The following MAML2 variants were observed in gnomAD, a reference collection of about 807,000 sequenced individuals.
The protein encoded by MAML2 is mastermind like transcriptional coactivator 2.
In MAML2, 22 loss-of-function variants were observed where a neutral mutation model predicts 96.1. That is an observed-to-expected ratio of 0.23 (90% CI 0.16 to 0.33). The LOEUF (loss-of-function observed/expected upper bound fraction) is 0.33, where lower values mean the gene tolerates loss of function less well. MAML2 is among the 10% of genes least tolerant of loss of function. The probability of loss-of-function intolerance (pLI) is 1.00; values close to 1 mark genes in which losing one functional copy is unlikely to be tolerated. For synonymous variants in MAML2, 561 were observed against 521.3 expected (o/e 1.08, Z -1.04); for missense variants, 1,367 against 1,392.4 (o/e 0.98, Z 0.29).
At chr11:96,188,916 A>AT (rs998601995) in intron 1 of MAML2, among the ~76,000 whole-genome samples, 5 of 152,208 alleles carry the variant, frequency 3.3e-5, no homozygotes, top group African/African-American at 9.6e-5. Context: ...CATTAAAAAA[A>AT]AAATTCTGCT....
At chr11:96,096,546 A>T (rs1859832405) in intron 1 of MAML2, among the ~76,000 whole-genome samples, 1 of 152,208 alleles carries the variant, frequency 6.6e-6, no homozygotes, top group Non-Finnish European at 1.5e-5. Flanking sequence ...GAATCAAACC[A>T]CACATTCCCA....
chr11:96,011,843 T>C (rs1484843192), intron 2 of MAML2, among the ~76,000 whole-genome samples: 1 of 152,216 alleles, frequency 6.6e-6, no homozygotes, highest in Non-Finnish European at 1.5e-5. Context: ...TCACATGAGT[T>C]GGTGGTTTAA....
chr11:96,142,856 T>C (rs1407522038), intron 1 of MAML2, among the ~76,000 whole-genome samples: 2 of 152,190 alleles, frequency 1.3e-5, no homozygotes, highest in Admixed American at 6.5e-5. Flanking sequence ...AAACAACTAT[T>C]TTTTTGTTTA....
intron 1 of MAML2, among the ~76,000 whole-genome samples, chr11:96,121,641 T>G (rs1256558116): frequency 6.6e-6 from 1 of 151,952 alleles, no homozygotes; most frequent in Non-Finnish European, 1.5e-5. Context: ...AATGGGCTAG[T>G]GCTCTGGCAT....
chr11:96,180,874 G>C (rs1048019923), intron 1 of MAML2, among the ~76,000 whole-genome samples: 3 of 151,794 alleles, frequency 2.0e-5, no homozygotes, highest in African/African-American at 7.3e-5. Context: ...CGTTTTATAG[G>C]ATTTGTATAG....
intron 1 of MAML2, among the ~76,000 whole-genome samples, chr11:96,200,307 A>G (rs1861800172): frequency 6.6e-6 from 1 of 152,214 alleles, no homozygotes; most frequent in Admixed American, 6.5e-5. Flanking sequence ...TGAGCTCTGC[A>G]TGGCCCAGCT....
chr11:96,000,647 A>C (rs1858065518), intron 2 of MAML2, among the ~76,000 whole-genome samples: 1 of 152,220 alleles, frequency 6.6e-6, no homozygotes, highest in African/African-American at 2.4e-5. Context: ...ATCTGTTTAC[A>C]TTAGCCTTCC....
chr11:96,017,698 G>C (rs895750126), intron 2 of MAML2, among the ~76,000 whole-genome samples: 1 of 152,110 alleles, frequency 6.6e-6, no homozygotes. Flanking sequence ...AGAAGTGAGG[G>C]GAGAGCCTTG....
chr11:96,187,742 C>A (rs977308719), intron 1 of MAML2, among the ~76,000 whole-genome samples: 3 of 149,772 alleles, frequency 2.0e-5, no homozygotes, highest in African/African-American at 7.4e-5. Context: ...TGCAGTGAGC[C>A]GAGATCGTGC....
intron 1 of MAML2, among the ~76,000 whole-genome samples, chr11:96,304,133 T>C (rs1863431075): frequency 6.6e-6 from 1 of 152,218 alleles, no homozygotes; most frequent in Non-Finnish European, 1.5e-5. Context: ...GCTTCAGCCC[T>C]ACTTCTTGCA....
Position 96,244,456 on chromosome 11 carries a change from A to T in MAML2, c.513+96927T>A, listed in dbSNP as rs147817397. On this transcript the variant is annotated intron_variant, in intron 1 of 4. Transcript: ENST00000524717. ...GATTAGAAAATTACTGGTATTCTGA[A>T]GTGTATTACAATCAATGCATTCATG... Among the ~76,000 whole-genome samples the T allele has an allele frequency of 1.6e-4, 25 of 152,350 alleles. No homozygotes were observed. The East Asian group carries it at 4.0e-3, about 25-fold the overall frequency.
chr11:96,310,090 T>C (rs958843013), intron 1 of MAML2, among the ~76,000 whole-genome samples: 5 of 152,138 alleles, frequency 3.3e-5, no homozygotes, highest in African/African-American at 1.2e-4. Flanking sequence ...TAAAAAACTA[T>C]CATCATATTT....
intron 2 of MAML2, among the ~76,000 whole-genome samples, chr11:96,042,638 T>C (rs552644459): frequency 3.3e-5 from 5 of 152,262 alleles, no homozygotes; most frequent in African/African-American, 1.2e-4. Flanking sequence ...AAGCCAGGCC[T>C]GTTCCCCATG....
At chr11:96,301,743 GC>G (rs1267980835) in intron 1 of MAML2, among the ~76,000 whole-genome samples, 3 of 152,174 alleles carry the variant, frequency 2.0e-5, no homozygotes, top group African/African-American at 4.8e-5. Context: ...AAATTAATCA[GC>G]CACTTTATGA....
At chr11:96,171,055 C>G (rs1861285905) in intron 1 of MAML2, among the ~76,000 whole-genome samples, 1 of 151,682 alleles carries the variant, frequency 6.6e-6, no homozygotes, top group Non-Finnish European at 1.5e-5. Flanking sequence ...TGAGGAGGTG[C>G]AGACTAGTTG....
At chr11:96,253,402 G>A (rs1862613833) in intron 1 of MAML2, among the ~76,000 whole-genome samples, 1 of 152,124 alleles carries the variant, frequency 6.6e-6, no homozygotes, top group South Asian at 2.1e-4. Context: ...CTCAACACAA[G>A]ACGAAATCAC....
chr11:96,001,309 G>T (rs1014432895), intron 2 of MAML2, among the ~76,000 whole-genome samples: 1 of 152,144 alleles, frequency 6.6e-6, no homozygotes, highest in East Asian at 1.9e-4. Flanking sequence ...GGTCAGGGTG[G>T]AGTGGGAAGA....
At chr11:96,114,994 C>T (rs896766349) in intron 1 of MAML2, among the ~76,000 whole-genome samples, 4 of 152,094 alleles carry the variant, frequency 2.6e-5, no homozygotes, top group Admixed American at 2.6e-4. Flanking sequence ...ACTGAGCTGT[C>T]AGAAGTACGT....
intron 1 of MAML2, among the ~76,000 whole-genome samples, chr11:96,230,768 T>TG (rs1262904907): frequency 2.6e-5 from 4 of 152,208 alleles, no homozygotes; most frequent in Non-Finnish European, 4.4e-5. Context: ...GAGGGAACAA[T>TG]ACGAAGCCTA....
Sources: gnomAD v4.1 joint callset for allele counts (sites outside exome capture counted in the v4.1 genomes callset) on GRCh38, gnomAD v4.1.1 for gene constraint, MANE v1.5 for transcripts, NCBI Gene and HGNC (gene_info 2026-07-23, HGNC 2026-07-21) for gene names.